Variants in PRUNE2 observed in about 807,000 individuals in gnomAD.
PRUNE2 encodes prune homolog 2 with BCH domain, also known as protein prune homolog 2.
PRUNE2 carries 164 observed loss-of-function variants against 252.0 expected under a neutral mutation model. That is an observed-to-expected ratio of 0.65 (90% CI 0.57 to 0.74). PRUNE2 has a LOEUF of 0.74. PRUNE2 is among the 30% of genes least tolerant of loss of function. The pLI, the probability that PRUNE2 is intolerant of heterozygous loss-of-function variation, is 0.00. For synonymous variants in PRUNE2, 1,292 were observed against 1,350.2 expected (o/e 0.96, Z 0.94); for missense variants, 3,495 against 3,711.0 (o/e 0.94, Z 1.51).
chr9:76,636,317 T>G (rs1161815492), intron 15 of PRUNE2, among the ~76,000 whole-genome samples, 154 bp downstream of exon 15: 1 of 152,170 alleles, frequency 6.6e-6, no homozygotes, highest in African/African-American at 2.4e-5. Context: ...TCGGGATTCT[T>G]GATGAATAGT....
At chr9:76,823,747 A>AG in intron 5 of PRUNE2, 21 bp from the exon 6 acceptor site, 1 of 1,452,348 alleles carries the variant, frequency 6.9e-7, no homozygotes, top group Non-Finnish European at 9.6e-7. Flanking sequence ...CAGGAAAAAA[A>AG]AACATTATGT....
intron 9 of PRUNE2, among the ~76,000 whole-genome samples, chr9:76,701,097 G>A (rs2045851723): frequency 6.6e-6 from 1 of 152,212 alleles, no homozygotes; most frequent in African/African-American, 2.4e-5. Context: ...AGGAGTTGCT[G>A]AAGCTCAGCT....
At chr9:76,715,257 C>A (rs2047050527) in intron 6 of PRUNE2, among the ~76,000 whole-genome samples, 1 of 152,192 alleles carries the variant, frequency 6.6e-6, no homozygotes, top group Non-Finnish European at 1.5e-5. Context: ...GTGGCTTAGA[C>A]TATTTACCAG....
chr9:76,755,366 G>A (rs1366299050), intron 6 of PRUNE2, among the ~76,000 whole-genome samples: 1 of 152,184 alleles, frequency 6.6e-6, no homozygotes, highest in Non-Finnish European at 1.5e-5. Flanking sequence ...AACCGATGGA[G>A]AGAGAGAATG....
chr9:76,635,640 T>G (rs1371909037), intron 15 of PRUNE2, among the ~76,000 whole-genome samples: 1 of 152,132 alleles, frequency 6.6e-6, no homozygotes, highest in East Asian at 1.9e-4. Context: ...GTAAAATCTA[T>G]GTACACACAA....
At chr9:76,892,084 C>A (rs1383705305) in intron 1 of PRUNE2, among the ~76,000 whole-genome samples, 1 of 152,092 alleles carries the variant, frequency 6.6e-6, no homozygotes, top group African/African-American at 2.4e-5. Flanking sequence ...CAGATTCTAC[C>A]TACTGGTCTC....
At chr9:76,871,240 C>T (rs887278875) in intron 1 of PRUNE2, among the ~76,000 whole-genome samples, 30 of 152,344 alleles carry the variant, frequency 2.0e-4, no homozygotes, top group Middle Eastern at 6.8e-3. Context: ...ATGGTTGTAT[C>T]TGTACTGAAC....
intron 1 of PRUNE2, among the ~76,000 whole-genome samples, chr9:76,865,896 C>G (rs1447149316): frequency 1.3e-5 from 2 of 150,944 alleles, no homozygotes; most frequent in Non-Finnish European, 3.0e-5. Flanking sequence ...ATCTAAAGTT[C>G]CAAAACTGAA....
At chr9:76,663,820 T>C (rs2039609615) in intron 9 of PRUNE2, among the ~76,000 whole-genome samples, 1 of 152,218 alleles carries the variant, frequency 6.6e-6, no homozygotes, top group South Asian at 2.1e-4. Context: ...ATTTTTCCTA[T>C]AACCTTAAGA....
intron 17 of PRUNE2, 130 bp from the exon 18 acceptor site, chr9:76,619,517 T>C: frequency 1.5e-6 from 1 of 659,424 alleles, no homozygotes; most frequent in South Asian, 1.7e-5. Context: ...AATCCATACC[T>C]GAACAGATGA....
intron 4 of PRUNE2, among the ~76,000 whole-genome samples, chr9:76,827,631 T>C (rs1459073949): frequency 6.6e-6 from 1 of 151,768 alleles, no homozygotes; most frequent in East Asian, 1.9e-4. Flanking sequence ...GGAGGGAAAA[T>C]GGAAAATAAA....
intron 6 of PRUNE2, among the ~76,000 whole-genome samples, chr9:76,756,375 C>A (rs2051149446): frequency 1.3e-5 from 2 of 152,206 alleles, no homozygotes; most frequent in Non-Finnish European, 2.9e-5. Flanking sequence ...CTAAACCAGT[C>A]CCTGGCAGCT....
chr9:76,756,052 C>T (rs1274053350), intron 6 of PRUNE2, among the ~76,000 whole-genome samples: 1 of 152,114 alleles, frequency 6.6e-6, no homozygotes, highest in African/African-American at 2.4e-5. Flanking sequence ...TCCTGGTGGT[C>T]CTTCCCTTTC....
chr9:76,781,981 G>A (rs1399435714), intron 6 of PRUNE2, among the ~76,000 whole-genome samples: 4 of 152,106 alleles, frequency 2.6e-5, no homozygotes, highest in East Asian at 1.9e-4. Flanking sequence ...TTGGGAGGCC[G>A]AAGCAGGTGG....
At chr9:76,642,861 A>G (rs1249674289) in intron 12 of PRUNE2, among the ~76,000 whole-genome samples, 1 of 152,196 alleles carries the variant, frequency 6.6e-6, no homozygotes, top group East Asian at 1.9e-4. Context: ...GTGCAGCCAG[A>G]GGCACATTTC....
chr9:76,763,624 G>A (rs1823238039), intron 6 of PRUNE2, among the ~76,000 whole-genome samples: 1 of 152,190 alleles, frequency 6.6e-6, no homozygotes. Flanking sequence ...CGTCTATTTA[G>A]CTTCCTTGCC....
chr9:76,867,265 T>C (rs962450711), intron 1 of PRUNE2, among the ~76,000 whole-genome samples: 12 of 151,372 alleles, frequency 7.9e-5, no homozygotes, highest in Non-Finnish European at 1.6e-4. Flanking sequence ...TTATCTTTTA[T>C]CTTATGCGGA....
intron 6 of PRUNE2, among the ~76,000 whole-genome samples, chr9:76,803,098 A>C (rs1301818408): frequency 1.4e-4 from 22 of 152,200 alleles, no homozygotes. Context: ...GTCAAAATCA[A>C]GAAGGTTTTC....
At chr9:76,676,075 AC>A (rs1288337073) in intron 9 of PRUNE2, among the ~76,000 whole-genome samples, 3 of 112,698 alleles carry the variant, frequency 2.7e-5, no homozygotes, top group Admixed American at 1.1e-4. Context: ...TAAAAAAAAA[AC>A]CAAAAACAAA....
Sources: allele counts gnomAD v4.1 joint callset (sites outside exome capture counted in the v4.1 genomes callset), GRCh38; gene constraint gnomAD v4.1.1; transcripts MANE v1.5; gene names NCBI Gene and HGNC (gene_info 2026-07-23, HGNC 2026-07-21).